The following XIRP2 variants were observed in gnomAD, a reference collection of about 807,000 sequenced individuals.
XIRP2 encodes xin actin binding repeat containing 2.
XIRP2 carries 236 observed loss-of-function variants against 277.0 expected under a neutral mutation model. That is an observed-to-expected ratio of 0.85 (90% CI 0.77 to 0.95). XIRP2 has a LOEUF of 0.95. XIRP2 is among the 40% of genes least tolerant of loss of function. XIRP2 has a pLI of 0.00. For missense variants in XIRP2, 4,640 were observed against 4,157.5 expected, an observed-to-expected ratio of 1.12 and a Z score of -3.19; for synonymous variants, 1,490 against 1,416.5, an observed-to-expected ratio of 1.05 and a Z score of -1.17.
intron 3 of XIRP2, among the ~76,000 whole-genome samples, chr2:167,175,679 C>T (rs997288756): frequency 3.3e-5 from 5 of 152,146 alleles, no homozygotes; most frequent in African/African-American, 4.8e-5. Flanking sequence ...CTTGGAGATG[C>T]ACTACTCTCT....
At chr2:166,947,220 T>C (rs1685898727) in intron 2 of XIRP2, among the ~76,000 whole-genome samples, 1 of 152,210 alleles carries the variant, frequency 6.6e-6, no homozygotes, top group Non-Finnish European at 1.5e-5. Flanking sequence ...TACTGCATCA[T>C]TTTTTATAGT....
At chr2:167,104,142 T>C (rs1690555136) in intron 2 of XIRP2, among the ~76,000 whole-genome samples, 1 of 152,176 alleles carries the variant, frequency 6.6e-6, no homozygotes, top group Non-Finnish European at 1.5e-5. Flanking sequence ...GAAGAAATTA[T>C]TGTCTTCTAC....
intron 3 of XIRP2, among the ~76,000 whole-genome samples, chr2:167,164,974 T>A (rs2105344218): frequency 6.6e-6 from 1 of 152,284 alleles, no homozygotes; most frequent in East Asian, 1.9e-4. Flanking sequence ...TAAAAATTCT[T>A]TATATCCTGC....
At chr2:167,239,099 A>G (rs530276500) in intron 5 of XIRP2, among the ~76,000 whole-genome samples, 20 of 152,316 alleles carry the variant, frequency 1.3e-4, no homozygotes, top group East Asian at 3.9e-4. Flanking sequence ...ATATTCTTCA[A>G]CTGAACTCTG....
chr2:166,929,299 C>T (rs1428552960), intron 2 of XIRP2, among the ~76,000 whole-genome samples: 1 of 152,052 alleles, frequency 6.6e-6, no homozygotes, highest in Admixed American at 6.6e-5. Context: ...GAGCTATGGT[C>T]CTTAATAATA....
At chr2:166,891,202 T>A (rs1399955638) in intron 1 of XIRP2, among the ~76,000 whole-genome samples, 1 of 152,192 alleles carries the variant, frequency 6.6e-6, no homozygotes, top group Non-Finnish European at 1.5e-5. Context: ...GGCGGTAAGA[T>A]AAGCTTATTG....
intron 2 of XIRP2, among the ~76,000 whole-genome samples, chr2:167,069,303 T>C (rs984353888): frequency 1.3e-5 from 2 of 152,170 alleles, no homozygotes; most frequent in Non-Finnish European, 1.5e-5. Flanking sequence ...AATTCACTAA[T>C]GCAGAACCCA....
At chr2:166,903,962 C>T (rs926813600) in intron 2 of XIRP2, 72 bp downstream of exon 2, 1 of 1,506,610 alleles carries the variant, frequency 6.6e-7, no homozygotes, top group Non-Finnish European at 9.0e-7. Flanking sequence ...TATTACTAAG[C>T]ATGTAATCTT....
intron 2 of XIRP2, among the ~76,000 whole-genome samples, chr2:167,055,482 A>G (rs1277472693): frequency 6.6e-6 from 1 of 152,174 alleles, no homozygotes; most frequent in African/African-American, 2.4e-5. Flanking sequence ...AAAATTATAA[A>G]CTGCAAATCC....
At chr2:167,149,569 G>C (rs1691955007) in intron 3 of XIRP2, among the ~76,000 whole-genome samples, 1 of 152,052 alleles carries the variant, frequency 6.6e-6, no homozygotes, top group East Asian at 1.9e-4. Flanking sequence ...GCAATAGTCT[G>C]TCATTAGAAG....
At chr2:167,126,499 G>A (rs921865633) in intron 2 of XIRP2, among the ~76,000 whole-genome samples, 1 of 152,142 alleles carries the variant, frequency 6.6e-6, no homozygotes, top group African/African-American at 2.4e-5. Flanking sequence ...TCCTATGAAA[G>A]TACTGTAAAA....
intron 2 of XIRP2, among the ~76,000 whole-genome samples, chr2:167,087,308 C>T (rs550960497): frequency 6.6e-6 from 1 of 152,338 alleles, no homozygotes; most frequent in East Asian, 1.9e-4. Flanking sequence ...GTTCTCAGAT[C>T]TCCAGCTGCG....
chr2:167,195,862 G>T (rs987345229), intron 3 of XIRP2, among the ~76,000 whole-genome samples: 4 of 152,206 alleles, frequency 2.6e-5, no homozygotes, highest in African/African-American at 9.7e-5. Flanking sequence ...GGCTGCAGGA[G>T]TAGGTCTGAG....
At position 167,214,666 on chromosome 2, in the gene XIRP2, A is replaced by G. The variant is rs116821766; in HGVS notation, c.724-3500A>G. On this transcript the variant is annotated intron_variant, in intron 4 of 10. Coordinates refer to ENST00000409195, the MANE Select transcript of XIRP2 (RefSeq NM_152381.6). ...ACTGCAACCTCTGCCTCCTCAGTTCAGGCAAATCTCCTGCCTCAGCCTCCC... is the reference window on the plus strand; with the variant it reads ...ACTGCAACCTCTGCCTCCTCAGTTCGGGCAAATCTCCTGCCTCAGCCTCCC... Among the ~76,000 whole-genome samples the G allele has an allele frequency of 7.7e-3, 1,177 of 152,074 alleles. 5 individuals are homozygous for G. The highest frequency in any genetic ancestry group is 0.027 in the Middle Eastern group (8 of 294).
chr2:167,187,815 C>T (rs1693202401), intron 3 of XIRP2, among the ~76,000 whole-genome samples: 1 of 152,126 alleles, frequency 6.6e-6, no homozygotes, highest in African/African-American at 2.4e-5. Context: ...TATACTTCAA[C>T]TTACAAATAA....
intron 2 of XIRP2, among the ~76,000 whole-genome samples, chr2:167,060,586 A>G (rs1190299323): frequency 6.6e-6 from 1 of 152,208 alleles, no homozygotes; most frequent in South Asian, 2.1e-4. Context: ...TTGACTCAGT[A>G]TCATTTATTG....
intron 2 of XIRP2, among the ~76,000 whole-genome samples, chr2:166,960,369 A>G (rs531007743): frequency 1.3e-4 from 20 of 151,928 alleles, no homozygotes; most frequent in African/African-American, 4.8e-4. Flanking sequence ...TTGTTAGAAC[A>G]GTTGTACTTA....
At chr2:167,071,724 G>A (rs1689441984) in intron 2 of XIRP2, among the ~76,000 whole-genome samples, 2 of 152,322 alleles carry the variant, frequency 1.3e-5, no homozygotes, top group South Asian at 4.1e-4. Context: ...AACGGGGAAA[G>A]TATTATGGAC....
intron 2 of XIRP2, 129 bp from the exon 3 acceptor site, chr2:167,135,780 G>T: frequency 1.2e-6 from 1 of 831,124 alleles, no homozygotes; most frequent in Non-Finnish European, 1.7e-6. Flanking sequence ...TTTACCTGAA[G>T]CATATTGAAA....
Sources: allele counts gnomAD v4.1 joint callset (sites outside exome capture counted in the v4.1 genomes callset), GRCh38; gene constraint gnomAD v4.1.1; transcripts MANE v1.5; gene names NCBI Gene and HGNC (gene_info 2026-07-23, HGNC 2026-07-21).